The following DNM2 variants were observed in gnomAD, a reference collection of about 807,000 sequenced individuals.
DNM2 encodes dynamin 2.
DNM2 carries 15 observed loss-of-function variants against 99.0 expected under a neutral mutation model. The observed-to-expected ratio is 0.15, with a 90% CI of 0.10 to 0.23. The LOEUF is 0.23. DNM2 is among the 10% of genes least tolerant of loss of function. The probability of loss-of-function intolerance (pLI) is 1.00; values close to 1 mark genes in which losing one functional copy is unlikely to be tolerated. For synonymous variants in DNM2, 525 were observed against 481.2 expected, an observed-to-expected ratio of 1.09 and a Z score of -1.19; for missense variants, 742 against 1,189.4, an observed-to-expected ratio of 0.62 and a Z score of 5.53.
chr19:10,799,870 A>T (rs1336746004), intron 11 of DNM2, among the ~76,000 whole-genome samples: 1 of 150,722 alleles, frequency 6.6e-6, no homozygotes, highest in Non-Finnish European at 1.5e-5. Context: ...GCTTTCTTGC[A>T]AAGGCATGCA....
chr19:10,798,474 T>C lies in DNM2; in HGVS notation c.1336-12T>C, dbSNP rs939694534. ...GACCCCGCCAATGCGACCACTCTGC[T>C]TGTTCCCCCAGCTCAGTTCCTACCC... On this transcript the variant is annotated splice_polypyrimidine_tract_variant and intron_variant, in intron 10 of 20. Coordinates refer to ENST00000389253, the MANE Select transcript of DNM2 (RefSeq NM_001005361.3). 6.2e-7 allele frequency: 1 copy of C among 1,613,972 alleles called. No individual in the cohort carries two copies. The highest frequency in any genetic ancestry group is 8.5e-7 in the Non-Finnish European group (1 of 1,179,924).
In DNM2 at chr19:10,760,829, T is replaced by TTTTTTTTTTTTTTTTC. The variant is rs1345645263; in HGVS notation, c.235+1033_235+1034insCTTTTTTTTTTTTTTT. Reference sequence around the variant, plus strand: ...GCACACACCACCACACCCAGCTGATTTTTTTTTTTTTTTTTGGTAGAGATG... The same window carrying TTTTTTTTTTTTTTTTC: ...GCACACACCACCACACCCAGCTGATTTTTTTTTTTTTTTTTCTTTTTTTTTTTTTTTGGTAGAGATG... On this transcript the variant is annotated intron_variant, in intron 2 of 20. Coordinates refer to ENST00000389253, the MANE Select transcript of DNM2 (RefSeq NM_001005361.3). 4.8e-5 allele frequency among the ~76,000 whole-genome samples: 6 copies of TTTTTTTTTTTTTTTTC among 125,070 alleles called. 1 individual carries two copies. The highest frequency in any genetic ancestry group is 1.0e-4 in the Non-Finnish European group (6 of 58,750). The allele number at this position is 125,070 out of a possible 152,430, so 82.1% of individuals were successfully genotyped here.
At chr19:10,799,308 TCC>T (rs1434729779) in intron 11 of DNM2, among the ~76,000 whole-genome samples, 4 of 152,118 alleles carry the variant, frequency 2.6e-5, no homozygotes, top group South Asian at 2.1e-4. Flanking sequence ...TCAAGTGGAC[TCC>T]CACAACGTAA....
chr19:10,770,175 T>C (rs1380917256), intron 2 of DNM2, among the ~76,000 whole-genome samples: 1 of 152,248 alleles, frequency 6.6e-6, no homozygotes, highest in African/African-American at 2.4e-5. Context: ...CACACTCTTC[T>C]TTCTGCCTTG....
intron 1 of DNM2, 164 bp downstream of exon 1, chr19:10,718,567 A>T: frequency 9.4e-7 from 1 of 1,061,204 alleles, no homozygotes; most frequent in South Asian, 4.1e-5. Context: ...CGCCCTGGGC[A>T]GAGGACTCCC....
chr19:10,720,299 G>C (rs1284080898), intron 1 of DNM2, among the ~76,000 whole-genome samples: 2 of 149,668 alleles, frequency 1.3e-5, no homozygotes, highest in African/African-American at 2.5e-5. Context: ...TGCAACCTCT[G>C]CCTCCCAGGT....
intron 12 of DNM2, among the ~76,000 whole-genome samples, chr19:10,802,863 C>T (rs2072202663): frequency 6.6e-6 from 1 of 152,198 alleles, no homozygotes; most frequent in African/African-American, 2.4e-5. Context: ...CATCGGGGAG[C>T]CCTGATTTCA....
intron 13 of DNM2, among the ~76,000 whole-genome samples, chr19:10,807,492 G>A (rs1170602167): frequency 6.8e-6 from 1 of 148,074 alleles, no homozygotes; most frequent in African/African-American, 2.5e-5. Context: ...CACCCGCCTC[G>A]GCCTCCCAAA....
intron 13 of DNM2, among the ~76,000 whole-genome samples, chr19:10,808,036 G>C (rs948995686): frequency 1.3e-5 from 2 of 151,672 alleles, no homozygotes; most frequent in Admixed American, 1.3e-4. Context: ...CCACCTACTC[G>C]GGAGGTTGAG....
rs1177096588 is a variant in DNM2 at position 10,830,553 on chromosome 19, C to T, written c.2543+175C>T. 2 of 785,762 alleles carry T rather than the reference C, an allele frequency of 2.5e-6. No individual in the cohort carries two copies. Among genetic ancestry groups the T allele is most frequent in the South Asian group, 1.8e-5 (1 of 55,068 alleles). 48.7% of individuals were successfully genotyped at this position (785,762 alleles called of 1,614,324 possible). On this transcript the variant is annotated intron_variant, in intron 20 of 20. Coordinates refer to ENST00000389253, the MANE Select transcript of DNM2 (RefSeq NM_001005361.3). This position sits in a 1 kb window ranked among gnomAD's most constrained non-coding sequence, Gnocchi z 4.8. ...GCCCAGAGAGGCCAAGAGGCTTGTT[C>T]AGTGTCACAGAGTAGCGGAGCCCTG...
Position 10,734,232 on chromosome 19 carries a change from A to T in DNM2, c.161+15829A>T, listed in dbSNP as rs113321789. 1.6e-3 allele frequency among the ~76,000 whole-genome samples: 242 copies of T among 151,210 alleles called. 1 individual carries two copies. The highest frequency in any genetic ancestry group is 2.7e-3 in the Non-Finnish European group (185 of 67,884). On this transcript the variant is annotated intron_variant, in intron 1 of 20. Coordinates refer to ENST00000389253, the MANE Select transcript of DNM2 (RefSeq NM_001005361.3). ...GTGGTATACACCTGTAGTCCCAGCCACTCGGGAGGCTGAGGTAGGAGAATT... is the reference window on the plus strand; with the variant it reads ...GTGGTATACACCTGTAGTCCCAGCCTCTCGGGAGGCTGAGGTAGGAGAATT...
Position 10,772,440 on chromosome 19 carries a change from A to G in DNM2, c.236-39A>G, listed in dbSNP as rs767420166. On this transcript the variant is annotated intron_variant, in intron 2 of 20. Coordinates refer to ENST00000389253, the MANE Select transcript of DNM2 (RefSeq NM_001005361.3). This position sits in a 1 kb window ranked among gnomAD's most constrained non-coding sequence, Gnocchi z 4.9. ...CGCAGTCCATGCGCACCCTGCCCAC[A>G]GCTCTTTCTCATTTTCAGCATCTCT... is the stretch of plus-strand genomic sequence containing the variant. The G allele has an allele frequency of 1.2e-6, 2 of 1,612,448 alleles. No individual in the cohort carries two copies. The highest frequency in any genetic ancestry group is 2.7e-5 in the African/African-American group (2 of 74,886).
In DNM2 at chr19:10,820,173, G is replaced by A. The variant is rs1277104802; in HGVS notation, c.1781+84G>A. The A allele has an allele frequency of 2.1e-5, 28 of 1,351,314 alleles. No homozygotes were observed. The highest frequency in any genetic ancestry group is 3.0e-5 in the Non-Finnish European group (28 of 946,194). 83.7% of individuals were successfully genotyped at this position (1,351,314 alleles called of 1,614,324 possible). ...CTCCACAACCTTCACTGAGCACTGA[G>A]CACCTGGCTGTCAGCAGTCCCTGCC... On this transcript the variant is annotated intron_variant, in intron 16 of 20. Transcript: ENST00000389253. The surrounding 1 kb of genome is among the most constrained non-coding windows in gnomAD (Gnocchi z 4.3).
In DNM2 at chr19:10,775,593, C is replaced by T. The variant is rs2071127192; in HGVS notation, c.386-110C>T. The stretch of plus-strand genomic sequence containing the variant: ...CAGGCAGAGTGTCAGGCGACATCCT[C>T]AAGTCTGAGCCCCGCGCAGGAACTT... On this transcript the variant is annotated intron_variant, in intron 3 of 20. Transcript: ENST00000389253. The surrounding 1 kb of genome is among the most constrained non-coding windows in gnomAD (Gnocchi z 4.3). 5 of 1,229,180 alleles carry T rather than the reference C, an allele frequency of 4.1e-6. No individual in the cohort carries two copies. The African/African-American group carries it at 4.4e-5, about 11-fold the overall frequency. The allele number at this position is 1,229,180 out of a possible 1,614,324, so 76.1% of individuals were successfully genotyped here. A position where few individuals can be genotyped will look rare whatever the true frequency, so the allele number is the denominator to read the frequency against.
Position 10,765,756 on chromosome 19 carries a change from AT to A in DNM2, c.235+5946del, listed in dbSNP as rs112381188. On this transcript the variant is annotated intron_variant, in intron 2 of 20. Transcript: ENST00000389253. This position sits in a 1 kb window ranked among gnomAD's most constrained non-coding sequence, Gnocchi z 4.4. ...CTGGCGTGGTAGCTAGGGTCTCCTG[AT>A]GGTGGCAGATCCCCAAGTTGTTCCC... 0.014 allele frequency among the ~76,000 whole-genome samples: 2,190 copies of A among 152,260 alleles called. 47 individuals carry two copies. Among genetic ancestry groups the A allele is most frequent in the African/African-American group, 0.05 (2,096 of 41,548 alleles).
At chr19:10,735,029 T>G (rs1217312968) in intron 1 of DNM2, among the ~76,000 whole-genome samples, 1 of 151,744 alleles carries the variant, frequency 6.6e-6, no homozygotes, top group South Asian at 2.1e-4. Flanking sequence ...GTGAATCTTT[T>G]TTTGTTTGTT....
intron 15 of DNM2, among the ~76,000 whole-genome samples, chr19:10,813,263 G>A (rs745932426): frequency 3.9e-5 from 6 of 152,180 alleles, no homozygotes; most frequent in Non-Finnish European, 8.8e-5. Context: ...TCATGGGAGG[G>A]ACTCGTTCAC....
intron 15 of DNM2, among the ~76,000 whole-genome samples, chr19:10,815,186 C>T (rs2072692317): frequency 6.6e-6 from 1 of 152,192 alleles, no homozygotes; most frequent in East Asian, 1.9e-4. Flanking sequence ...CACCTTAACA[C>T]AGGGCTCCCT....
chr19:10,799,611 G>C (rs1328730229), intron 11 of DNM2, among the ~76,000 whole-genome samples: 3 of 146,386 alleles, frequency 2.0e-5, no homozygotes, highest in Admixed American at 7.0e-5. Flanking sequence ...TTGACTCACT[G>C]CCACCTCCAC....
Sources: allele counts gnomAD v4.1 joint callset (sites outside exome capture counted in the v4.1 genomes callset), GRCh38; gene constraint gnomAD v4.1.1; non-coding constraint Gnocchi (gnomAD v3.1); transcripts MANE v1.5; gene names NCBI Gene and HGNC (gene_info 2026-07-23, HGNC 2026-07-21).